CDC42SE2: variants seen among roughly 807,000 people sequenced by gnomAD.
CDC42SE2 encodes CDC42 small effector 2, also known as CDC42 small effector protein 2.
Under a neutral mutation model 11.5 loss-of-function variants are expected in CDC42SE2, and 3 were observed. That is an observed-to-expected ratio of 0.26 (90% CI 0.12 to 0.67). The LOEUF is 0.67. Ranked by LOEUF, CDC42SE2 falls within the 30% of genes least tolerant of loss-of-function variation. The pLI is 0.80. For missense variants in CDC42SE2, 82 were observed against 106.8 expected (o/e 0.77, Z 1.02); for synonymous variants, 33 against 34.8 (o/e 0.95, Z 0.18).
chr5:131,372,606 C>T (rs994803701), intron 3 of CDC42SE2, among the ~76,000 whole-genome samples: 3 of 151,750 alleles, frequency 2.0e-5, no homozygotes, highest in African/African-American at 7.3e-5. Flanking sequence ...CCCAGCTACT[C>T]GGGAGGCACT....
rs1280351936 is a variant in CDC42SE2 at position 131,273,458 on chromosome 5, A to AT, written c.-455+9303dup. Among the ~76,000 whole-genome samples, 72 of 142,496 alleles carry AT rather than the reference A, an allele frequency of 5.1e-4. No individual in the cohort carries two copies. In the East Asian group the frequency reaches 0.01, roughly 20 times the overall value. 93.5% of individuals were successfully genotyped at this position (142,496 alleles called of 152,430 possible). ...GGCATGAGCCACTGCGCCCAGCCTT[A>AT]TTTTTTTTTTTAATTAAAAAACTTT... is the stretch of plus-strand genomic sequence containing the variant. On this transcript the variant is annotated intron_variant, in intron 1 of 4. Transcript: ENST00000505065.
At chr5:131,290,904 A>G (rs889423940) in intron 1 of CDC42SE2, among the ~76,000 whole-genome samples, 5 of 152,176 alleles carry the variant, frequency 3.3e-5, no homozygotes, top group Admixed American at 1.3e-4. Flanking sequence ...AGAAAACTGT[A>G]TCTTTGTCTT....
intron 1 of CDC42SE2, chr5:131,253,207 G>A (rs1486251581): frequency 6.6e-6 from 1 of 152,242 alleles, no homozygotes; most frequent in African/African-American, 2.4e-5. Flanking sequence ...AAGCTGTTTG[G>A]GTGTACGGGA....
chr5:131,391,125 G>A lies in CDC42SE2; in HGVS notation c.*34G>A, dbSNP rs777860315. 10 of 1,533,446 alleles carry A rather than the reference G, an allele frequency of 6.5e-6. No individual in the cohort carries two copies. Among genetic ancestry groups the A allele is most frequent in the African/African-American group, 2.7e-5 (2 of 73,164 alleles). 95.0% of individuals were successfully genotyped at this position (1,533,446 alleles called of 1,614,324 possible). On this transcript the variant is annotated 3_prime_UTR_variant, in exon 5 of 5. Coordinates refer to ENST00000505065, the MANE Select transcript of CDC42SE2 (RefSeq NM_001375635.1). ...CTTTCTCCAGTGAGTACTCAGAGCT[G>A]GGGTCTGGACCTGACGGCCAGACAT...
At chr5:131,351,873 C>T (rs1002333730) in intron 2 of CDC42SE2, among the ~76,000 whole-genome samples, 3 of 152,000 alleles carry the variant, frequency 2.0e-5, no homozygotes, top group African/African-American at 4.8e-5. Flanking sequence ...AGATGTTGTT[C>T]GGTAGACAAA....
intron 2 of CDC42SE2, among the ~76,000 whole-genome samples, chr5:131,331,399 T>G (rs1758416910): frequency 6.6e-6 from 1 of 152,156 alleles, no homozygotes; most frequent in Non-Finnish European, 1.5e-5. Flanking sequence ...TAGATTAAAC[T>G]AACATTTCCC....
the CDC42SE2 span, among the ~76,000 whole-genome samples, chr5:131,230,968 C>T: frequency 6.6e-6 from 1 of 152,174 alleles, no homozygotes; most frequent in African/African-American, 2.4e-5. Flanking sequence ...CATACACACA[C>T]ATGTATGTAT....
At chr5:131,249,376 T>C (rs1756622258) in intron 1 of CDC42SE2, among the ~76,000 whole-genome samples, 1 of 152,202 alleles carries the variant, frequency 6.6e-6, no homozygotes, top group Non-Finnish European at 1.5e-5. Flanking sequence ...TATTAATATT[T>C]ATTATGAAAC....
chr5:131,307,206 TCCCTCCC>T (rs1488478645), intron 1 of CDC42SE2, among the ~76,000 whole-genome samples: 1 of 111,598 alleles, frequency 9.0e-6, no homozygotes, highest in Non-Finnish European at 1.8e-5. Flanking sequence ...TCCAGTGCTA[TCCCTCCC>T]CCCTCCCCCC....
intron 1 of CDC42SE2, among the ~76,000 whole-genome samples, chr5:131,291,752 C>T (rs1011870603): frequency 6.6e-6 from 1 of 152,054 alleles, no homozygotes; most frequent in Non-Finnish European, 1.5e-5. Flanking sequence ...ATACAAATAA[C>T]CCTTCAAAAA....
At chr5:131,298,797 C>T (rs1757624346) in intron 1 of CDC42SE2, among the ~76,000 whole-genome samples, 5 of 151,964 alleles carry the variant, frequency 3.3e-5, no homozygotes, top group Admixed American at 6.6e-5. Context: ...AATCTGACAC[C>T]CAGAATTGAA....
At chr5:131,298,206 G>A (rs184689395) in intron 1 of CDC42SE2, among the ~76,000 whole-genome samples, 35 of 151,572 alleles carry the variant, frequency 2.3e-4, no homozygotes, top group Middle Eastern at 3.4e-3. Context: ...GGGTTCAAGC[G>A]GTTCTCCTGC....
intron 1 of CDC42SE2, among the ~76,000 whole-genome samples, chr5:131,304,255 A>T (rs1757738533): frequency 6.6e-6 from 1 of 152,176 alleles, no homozygotes; most frequent in African/African-American, 2.4e-5. Flanking sequence ...AAGTGCTGGC[A>T]TTACAGGCAT....
intron 3 of CDC42SE2, among the ~76,000 whole-genome samples, chr5:131,381,365 C>T (rs542807497): frequency 6.6e-6 from 1 of 152,052 alleles, no homozygotes; most frequent in African/African-American, 2.4e-5. Context: ...CTCTTGTCCC[C>T]CAGGCCTGAG....
In CDC42SE2 at chr5:131,378,184, G is replaced by A. The variant is rs569408985; in HGVS notation, c.55-7359G>A. The stretch of plus-strand genomic sequence containing the variant: ...GAGCTGGGTCTCAAAGAATGAGTAG[G>A]GAGAGACTTGGGGCAAGGGTGTTTC... On this transcript the variant is annotated intron_variant, in intron 3 of 4. Transcript: ENST00000505065. Among the ~76,000 whole-genome samples, 11 of 152,274 alleles carry A rather than the reference G, an allele frequency of 7.2e-5. No individual in the cohort carries two copies. In the South Asian group the frequency reaches 2.1e-3, roughly 29 times the overall value.
chr5:131,317,058 A>T (rs1474730314), intron 2 of CDC42SE2, among the ~76,000 whole-genome samples: 1 of 152,202 alleles, frequency 6.6e-6, no homozygotes, highest in East Asian at 1.9e-4. Context: ...TAACTGAATT[A>T]CTTGATAAGT....
At chr5:131,369,258 G>C (rs1186308222) in intron 3 of CDC42SE2, among the ~76,000 whole-genome samples, 5 of 152,150 alleles carry the variant, frequency 3.3e-5, no homozygotes, top group Non-Finnish European at 7.3e-5. Context: ...GATGCAGATA[G>C]CTAATTTTTA....
chr5:131,379,982 C>T (rs770201558), intron 3 of CDC42SE2, among the ~76,000 whole-genome samples: 11 of 151,214 alleles, frequency 7.3e-5, no homozygotes, highest in Non-Finnish European at 1.5e-4. Flanking sequence ...GGTGTGATCT[C>T]GGCTCACTGC....
intron 2 of CDC42SE2, among the ~76,000 whole-genome samples, chr5:131,335,691 C>T (rs1047203340): frequency 6.6e-6 from 1 of 152,176 alleles, no homozygotes; most frequent in East Asian, 1.9e-4. Context: ...GTTAGCTCTT[C>T]TTGTTGAATT....
Sources: gnomAD v4.1 joint callset for allele counts (sites outside exome capture counted in the v4.1 genomes callset) on GRCh38, gnomAD v4.1.1 for gene constraint, MANE v1.5 for transcripts, NCBI Gene and HGNC (gene_info 2026-07-23, HGNC 2026-07-21) for gene names.